The following FAM149A variants were observed in gnomAD, a reference collection of about 807,000 sequenced individuals.
The protein encoded by FAM149A is family with sequence similarity 149 member A.
A neutral mutation model predicts 78.2 loss-of-function variants in FAM149A; 71 were observed. The observed-to-expected ratio is 0.91, with a 90% confidence interval of 0.75 to 1.11. The LOEUF (loss-of-function observed/expected upper bound fraction) is 1.11. FAM149A is among the 50% of genes least tolerant of loss of function. The pLI is 0.00. For missense variants in FAM149A, 1,036 were observed against 971.0 expected (o/e 1.07, Z -0.89); for synonymous variants, 446 against 410.5 (o/e 1.09, Z -1.04).
At chr4:186,120,541 C>T (rs1180433845) in intron 1 of FAM149A, among the ~76,000 whole-genome samples, 4 of 151,986 alleles carry the variant, frequency 2.6e-5, no homozygotes, top group Non-Finnish European at 4.4e-5. Flanking sequence ...CACCTGTAAT[C>T]CCAGCACTTT....
intron 1 of FAM149A, chr4:186,130,293 C>CTCTCTCTCTCTCTATA: frequency 0.022 from 1,034 of 46,428 alleles, 19 homozygotes; most frequent in Non-Finnish European, 0.033. Context: ...CTCTCTCTCT[C>CTCTCTCTCTCTCTATA]TATATATATA....
At chr4:186,141,191 G>GT (rs572566991) in intron 1 of FAM149A, among the ~76,000 whole-genome samples, 2 of 152,000 alleles carry the variant, frequency 1.3e-5, no homozygotes, top group Non-Finnish European at 2.9e-5. Flanking sequence ...TTTATGGGTT[G>GT]TTTTTTTCTT....
At chr4:186,150,620 C>T (rs1247275781) in intron 3 of FAM149A, among the ~76,000 whole-genome samples, 3 of 141,028 alleles carry the variant, frequency 2.1e-5, no homozygotes, top group Non-Finnish European at 3.1e-5. Context: ...GGGGTTTCAC[C>T]GTGTTAGCCA....
intron 1 of FAM149A, among the ~76,000 whole-genome samples, chr4:186,147,973 G>A (rs551523694): frequency 3.9e-5 from 6 of 152,256 alleles, no homozygotes; most frequent in South Asian, 2.1e-4. Flanking sequence ...TGCATGAGAC[G>A]TATCTATGGA....
At chr4:186,162,810 CTTTTT>C (rs56973296) in intron 8 of FAM149A, 30 bp from the exon 9 acceptor site, 2,311 of 559,856 alleles carry the variant, frequency 4.1e-3, no homozygotes, top group African/African-American at 4.7e-3. Context: ...ATTTGTAATT[CTTTTT>C]TTTTTTTTTT....
chr4:186,154,761 T>C, intron 6 of FAM149A, 123 bp downstream of exon 6: 2 of 1,437,308 alleles, frequency 1.4e-6, no homozygotes, highest in Non-Finnish European at 1.8e-6. Context: ...ATTTCTGTTC[T>C]TTTGAGAGTA....
intron 8 of FAM149A, 21 bp downstream of exon 8, chr4:186,157,740 C>T (rs769416979): frequency 6.3e-7 from 1 of 1,592,090 alleles, no homozygotes; most frequent in South Asian, 1.1e-5. Context: ...TCACACCCTT[C>T]TCCCTCTTGC....
rs747395725 is a variant in FAM149A, at chr4:186,165,395, C to T, written c.1941C>T (p.Ser647=). The change falls in exon 11 of 14, where the codon AGC becomes AGT. Residue 647 remains serine, a synonymous_variant. Coordinates refer to ENST00000389354, the MANE Select transcript of FAM149A (RefSeq NM_001367768.3). Reference sequence around the variant, plus strand: ...CCCCACTGGTTCAAACGTCACGGAGCAGGTTCCCCCCGCTAGTCACGGAGA... The same window carrying T: ...CCCCACTGGTTCAAACGTCACGGAGTAGGTTCCCCCCGCTAGTCACGGAGA... The T allele has an allele frequency of 6.2e-7, 1 of 1,614,172 alleles. No individual in the cohort carries two copies.
rs189550127 is a variant in FAM149A at position 186,131,125 on chromosome 4, A to G, written c.567-18048A>G. On this transcript the variant is annotated intron_variant, in intron 1 of 13. Transcript: ENST00000389354. Reference sequence around the variant, plus strand: ...CACTTTGGGAGACTGAGGTGGGTGGATCACTTGAGGTCAAGAGTTCGAGAC... The same window carrying G: ...CACTTTGGGAGACTGAGGTGGGTGGGTCACTTGAGGTCAAGAGTTCGAGAC... 2.9e-3 allele frequency among the ~76,000 whole-genome samples: 434 copies of G among 152,256 alleles called. 4 individuals are homozygous for G. Among genetic ancestry groups the G allele is most frequent in the African/African-American group, 9.8e-3 (408 of 41,552 alleles).
chr4:186,163,564 T>C lies in FAM149A; in HGVS notation c.1820T>C (p.Leu607Pro). The change falls in exon 10 of 14, where the codon CTT (leucine) becomes CCT (proline). Residue 607 changes from leucine (L) to proline (P), a missense_variant. This residue lies in a region of FAM149A where 716 missense variants were observed against 711.8 expected (regional missense o/e 1.01). Coordinates refer to ENST00000389354, the MANE Select transcript of FAM149A (RefSeq NM_001367768.3). Reference sequence around the variant, plus strand: ...CCAGTGCCCTGGAGGCTGCCTTCTCTTGCTTCAGATTCACAGAGACTAAAA... The same window carrying C: ...CCAGTGCCCTGGAGGCTGCCTTCTCCTGCTTCAGATTCACAGAGACTAAAA... 3 of 1,614,182 alleles carry C rather than the reference T, an allele frequency of 1.9e-6. No individual in the cohort carries two copies. Among genetic ancestry groups the C allele is most frequent in the Non-Finnish European group, 2.5e-6 (3 of 1,180,026 alleles).
chr4:186,109,283 C>A, intron 1 of FAM149A: 1 of 802,916 alleles, frequency 1.2e-6, no homozygotes, highest in Non-Finnish European at 1.5e-6. Context: ...TTGTATAAGT[C>A]ATAGTTATTA....
At chr4:186,146,533 C>A in intron 1 of FAM149A, 1 of 979,658 alleles carries the variant, frequency 1.0e-6, no homozygotes. Flanking sequence ...TCCACCCTTT[C>A]CCCTGAAAAA....
chr4:186,155,828 T>C (rs1733995962), intron 6 of FAM149A, among the ~76,000 whole-genome samples, 172 bp from the exon 7 acceptor site: 1 of 152,164 alleles, frequency 6.6e-6, no homozygotes, highest in Admixed American at 6.5e-5. Context: ...GTTTCTTGTT[T>C]TTATTCATGT....
At chr4:186,125,591 G>A (rs957772528) in intron 1 of FAM149A, 3 of 592,256 alleles carry the variant, frequency 5.1e-6, no homozygotes, top group Admixed American at 6.3e-5. Flanking sequence ...TTGCACACGA[G>A]GTAAAGGGAG....
chr4:186,105,051 G>T lies in FAM149A; in HGVS notation c.-26G>T. On this transcript the variant is annotated 5_prime_UTR_variant, in exon 1 of 14. Coordinates refer to ENST00000389354, the MANE Select transcript of FAM149A (RefSeq NM_001367768.3). ...GCGGTCTGAACTCTCGGGCGGCGGC[G>T]AGGACGGCGTGTCCACTGTCGAGGC... 1 of 1,265,062 alleles carries T rather than the reference G, an allele frequency of 7.9e-7. No homozygotes were observed. Among genetic ancestry groups the T allele is most frequent in the Non-Finnish European group, 1.0e-6 (1 of 978,240 alleles). 78.4% of individuals were successfully genotyped at this position (1,265,062 alleles called of 1,614,324 possible).
In FAM149A at chr4:186,149,639, G is replaced by A. The variant is rs1733313452; in HGVS notation, c.724G>A (p.Ala242Thr). ...AGCCCACACCTCTTGGTCTGGGTCG[G>A]CCACACAGAGCTCTACCACCGGCTC... Residue 242 changes from alanine to threonine, a missense_variant, in exon 3 of 14, where the codon GCC becomes ACC. Ala to Thr is a moderately conservative substitution (Grantham distance 58). This residue lies in a region of FAM149A where 716 missense variants were observed against 711.8 expected (regional missense o/e 1.01). Coordinates refer to ENST00000389354, the MANE Select transcript of FAM149A (RefSeq NM_001367768.3). 4.7e-6 allele frequency: 6 copies of A among 1,289,912 alleles called. No individual in the cohort carries two copies. The highest frequency in any genetic ancestry group is 6.1e-6 in the Non-Finnish European group (6 of 988,850). The allele number at this position is 1,289,912 out of a possible 1,614,324, so 79.9% of individuals were successfully genotyped here. A position where few individuals can be genotyped will look rare whatever the true frequency, so the allele number is the denominator to read the frequency against.
intron 8 of FAM149A, among the ~76,000 whole-genome samples, chr4:186,161,919 A>C (rs1734637867): frequency 6.6e-6 from 1 of 152,116 alleles, no homozygotes; most frequent in Non-Finnish European, 1.5e-5. Flanking sequence ...TTTTTAATTT[A>C]CTTTAAGTTC....
intron 8 of FAM149A, among the ~76,000 whole-genome samples, chr4:186,159,820 TG>T (rs1734366890): frequency 6.8e-6 from 1 of 146,450 alleles, no homozygotes; most frequent in Non-Finnish European, 1.5e-5. Flanking sequence ...GCCCACCTTG[TG>T]GGGGGAGCAG....
chr4:186,153,497 A>C, intron 4 of FAM149A, 148 bp from the exon 5 acceptor site: 2 of 1,468,068 alleles, frequency 1.4e-6, no homozygotes, highest in African/African-American at 1.4e-5. Context: ...TCAAAGTCAC[A>C]CTTCTGTGAT....
Sources: gnomAD v4.1 joint callset for allele counts (sites outside exome capture counted in the v4.1 genomes callset) on GRCh38, gnomAD v4.1.1 for gene constraint, gnomAD v4.1.1 regional missense constraint, MANE v1.5 for transcripts, NCBI Gene and HGNC (gene_info 2026-07-23, HGNC 2026-07-21) for gene names.